Variants in DNAJC1 observed in about 807,000 individuals in gnomAD.
DNAJC1 encodes dnaJ homolog subfamily C member 1.
Under a neutral mutation model 76.6 loss-of-function variants are expected in DNAJC1, and 58 were observed. The observed-to-expected ratio is 0.76, with a 90% CI of 0.61 to 0.94. The LOEUF is 0.94. DNAJC1 is among the 40% of genes least tolerant of loss of function. DNAJC1 has a pLI of 0.00. For synonymous variants in DNAJC1, 258 were observed against 267.9 expected (o/e 0.96, Z 0.36); for missense variants, 689 against 677.3 (o/e 1.02, Z -0.19).
intron 8 of DNAJC1, among the ~76,000 whole-genome samples, chr10:21,828,577 T>C (rs1431002514): frequency 1.3e-5 from 2 of 152,180 alleles, no homozygotes; most frequent in Non-Finnish European, 2.9e-5. Context: ...AAACATATGA[T>C]AGAAGTAGAA....
At chr10:21,813,131 G>T (rs1220131769) in intron 8 of DNAJC1, among the ~76,000 whole-genome samples, 13 of 66,348 alleles carry the variant, frequency 2.0e-4, no homozygotes, top group South Asian at 4.6e-4. Flanking sequence ...CTTCTGCCTT[G>T]CTCTTTCTTG....
At chr10:21,852,013 G>A (rs186566843) in intron 8 of DNAJC1, among the ~76,000 whole-genome samples, 3 of 151,148 alleles carry the variant, frequency 2.0e-5, no homozygotes, top group Non-Finnish European at 4.4e-5. Flanking sequence ...AGATCACGCC[G>A]CTGCACTCCA....
At chr10:21,831,635 A>G (rs1400014489) in intron 8 of DNAJC1, among the ~76,000 whole-genome samples, 1 of 151,980 alleles carries the variant, frequency 6.6e-6, no homozygotes, top group Non-Finnish European at 1.5e-5. Flanking sequence ...CTCAAAATTC[A>G]AAATATTAGC....
chr10:21,763,840 C>T (rs11012784), intron 10 of DNAJC1, among the ~76,000 whole-genome samples: 2,737 of 152,160 alleles, frequency 0.018, 90 homozygotes, highest in African/African-American at 0.063. Context: ...TGCCAAGTGA[C>T]GAGGCCACCA....
At chr10:21,984,533 T>G (rs900284727) in intron 1 of DNAJC1, among the ~76,000 whole-genome samples, 6 of 152,340 alleles carry the variant, frequency 3.9e-5, no homozygotes, top group Admixed American at 6.5e-5. Context: ...CCATGTCTTC[T>G]GCTCATCTGC....
chr10:21,984,001 G>C (rs1378797100), intron 1 of DNAJC1, among the ~76,000 whole-genome samples: 1 of 152,026 alleles, frequency 6.6e-6, no homozygotes, highest in Non-Finnish European at 1.5e-5. Context: ...CTCACATAAG[G>C]AGTCAAAAGA....
chr10:21,998,393 A>T (rs1838455551), intron 1 of DNAJC1, among the ~76,000 whole-genome samples: 1 of 150,594 alleles, frequency 6.6e-6, no homozygotes, highest in Non-Finnish European at 1.5e-5. Context: ...CCATCTCAAA[A>T]AAAAAAAAAA....
intron 8 of DNAJC1, among the ~76,000 whole-genome samples, chr10:21,853,787 C>CAAAAAAAAA (rs1011936425): frequency 1.6e-4 from 2 of 12,602 alleles, no homozygotes; most frequent in African/African-American, 2.2e-4. Flanking sequence ...GACTCCATCT[C>CAAAAAAAAA]AAAAAAAAAA....
Position 21,786,613 on chromosome 10 carries a change from G to A in DNAJC1, c.1098+19367C>T, listed in dbSNP as rs372716396. Among the ~76,000 whole-genome samples, 5 of 151,850 alleles carry A rather than the reference G, an allele frequency of 3.3e-5. No individual in the cohort carries two copies. In the South Asian group the frequency reaches 6.2e-4, roughly 19 times the overall value. On this transcript the variant is annotated intron_variant, in intron 9 of 11. Transcript: ENST00000376980. ...TGATTCTAATGCCTCAGCCTCCCGC[G>A]TAGCAGGCGTGCGCCACCACACCGG...
intron 4 of DNAJC1, 95 bp downstream of exon 4, chr10:21,920,703 G>C: frequency 8.1e-7 from 1 of 1,232,612 alleles, no homozygotes; most frequent in South Asian, 1.7e-5. Context: ...AGTATACAGA[G>C]AGAAACAGAA....
At chr10:21,941,887 A>G (rs1837418794) in intron 1 of DNAJC1, among the ~76,000 whole-genome samples, 1 of 152,150 alleles carries the variant, frequency 6.6e-6, no homozygotes, top group South Asian at 2.1e-4. Context: ...AGAAAAGTAT[A>G]GGTTTTATTA....
At chr10:21,821,171 C>T (rs1023573036) in intron 8 of DNAJC1, among the ~76,000 whole-genome samples, 1 of 152,066 alleles carries the variant, frequency 6.6e-6, no homozygotes, top group Admixed American at 6.6e-5. Context: ...TCTTATGACC[C>T]ACTATCAGAC....
chr10:21,905,707 G>T (rs557867136), intron 6 of DNAJC1, among the ~76,000 whole-genome samples: 1 of 152,248 alleles, frequency 6.6e-6, no homozygotes, highest in East Asian at 1.9e-4. Context: ...CACAGTATCT[G>T]CCATAAAGCA....
chr10:21,867,780 C>T (rs771987425), intron 8 of DNAJC1, among the ~76,000 whole-genome samples: 6 of 151,984 alleles, frequency 3.9e-5, no homozygotes, highest in Non-Finnish European at 8.8e-5. Flanking sequence ...TAGTGTAAAA[C>T]TGGGTGACAG....
At position 21,767,886 on chromosome 10, in the gene DNAJC1, T is replaced by C. The variant is rs548907047; in HGVS notation, c.1099-1577A>G. 3.4e-4 allele frequency among the ~76,000 whole-genome samples: 52 copies of C among 152,186 alleles called. 1 individual carries two copies. Among genetic ancestry groups the C allele is most frequent in the African/African-American group, 1.3e-3 (52 of 41,518 alleles). ...GGCACACGCCTGTAATCCCAGCTATTTGGGAGGCTGAGGCAGCAGAACTGC... is the reference window on the plus strand; with the variant it reads ...GGCACACGCCTGTAATCCCAGCTATCTGGGAGGCTGAGGCAGCAGAACTGC... On this transcript the variant is annotated intron_variant, in intron 9 of 11. Coordinates refer to ENST00000376980, the MANE Select transcript of DNAJC1 (RefSeq NM_022365.4).
At chr10:21,781,948 A>C (rs1206871893) in intron 9 of DNAJC1, among the ~76,000 whole-genome samples, 1 of 152,158 alleles carries the variant, frequency 6.6e-6, no homozygotes, top group African/African-American at 2.4e-5. Flanking sequence ...AGAAAGCAGG[A>C]AAGATCTAAA....
intron 1 of DNAJC1, among the ~76,000 whole-genome samples, chr10:21,971,403 T>C (rs1233049955): frequency 1.3e-5 from 2 of 151,850 alleles, no homozygotes; most frequent in African/African-American, 4.8e-5. Context: ...AGACATATCT[T>C]ATTCTTCTCT....
chr10:21,885,279 A>T (rs1836352855), intron 7 of DNAJC1, among the ~76,000 whole-genome samples: 1 of 152,192 alleles, frequency 6.6e-6, no homozygotes, highest in Non-Finnish European at 1.5e-5. Context: ...GTTCAATTCA[A>T]CAAGACTTAA....
At chr10:21,815,385 A>G (rs773207764) in intron 8 of DNAJC1, among the ~76,000 whole-genome samples, 3 of 152,120 alleles carry the variant, frequency 2.0e-5, no homozygotes, top group Non-Finnish European at 4.4e-5. Flanking sequence ...AATCTGTACA[A>G]TCGCTAATGC....
Sources: gnomAD v4.1 joint callset for allele counts (sites outside exome capture counted in the v4.1 genomes callset) on GRCh38, gnomAD v4.1.1 for gene constraint, MANE v1.5 for transcripts, NCBI Gene and HGNC (gene_info 2026-07-23, HGNC 2026-07-21) for gene names.